Variants in GPLD1 observed in about 807,000 individuals in gnomAD.
GPLD1 encodes the protein glycosylphosphatidylinositol specific phospholipase D1.
GPLD1 carries 84 observed loss-of-function variants against 112.6 expected under a neutral mutation model. That is an observed-to-expected ratio of 0.75 (90% CI 0.63 to 0.89). The LOEUF (loss-of-function observed/expected upper bound fraction) is 0.89, where lower values mean the gene tolerates loss of function less well. GPLD1 is among the 40% of genes least tolerant of loss of function. The pLI, the probability that GPLD1 is intolerant of heterozygous loss-of-function variation, is 0.00. For synonymous variants in GPLD1, 386 were observed against 403.8 expected (o/e 0.96, Z 0.53); for missense variants, 1,044 against 1,051.5 (o/e 0.99, Z 0.10).
intron 6 of GPLD1, 71 bp downstream of exon 6, chr6:24,473,548 A>G: frequency 1.1e-6 from 1 of 913,822 alleles, no homozygotes; most frequent in South Asian, 1.4e-5. Context: ...CACATATTTA[A>G]AGCACAGTAG....
At chr6:24,456,926 A>T (rs1321267723) in intron 12 of GPLD1, among the ~76,000 whole-genome samples, 1 of 152,190 alleles carries the variant, frequency 6.6e-6, no homozygotes, top group Non-Finnish European at 1.5e-5. Flanking sequence ...GCTGGAGTGC[A>T]GTGGCACGAT....
At chr6:24,493,100 A>G (rs1294070259), upstream of GPLD1, among the ~76,000 whole-genome samples, 1 of 152,162 alleles carries the variant, frequency 6.6e-6, no homozygotes, top group African/African-American at 2.4e-5. Flanking sequence ...TAAAAAGGTA[A>G]GTGGGCTAGG....
At chr6:24,468,418 A>C (rs1763688696) in intron 7 of GPLD1, among the ~76,000 whole-genome samples, 1 of 152,220 alleles carries the variant, frequency 6.6e-6, no homozygotes. Context: ...TATTACTGTA[A>C]ACTGCATTTT....
In GPLD1 at chr6:24,433,395, GA is replaced by G. The variant is rs765694788; in HGVS notation, c.2359-7del. On this transcript the variant is annotated splice_polypyrimidine_tract_variant and splice_region_variant and intron_variant, in intron 22 of 24. Coordinates refer to ENST00000230036, the MANE Select transcript of GPLD1 (RefSeq NM_001503.4). ...GAAATCAATACATATTGGGCCTGAAGAAAAAAATTGAGGAGAGAGACAATGT... is the reference window on the plus strand; with the variant it reads ...GAAATCAATACATATTGGGCCTGAAGAAAAAATTGAGGAGAGAGACAATGT... 4 of 1,587,268 alleles carry G rather than the reference GA, an allele frequency of 2.5e-6. No homozygotes were observed. The South Asian group carries it at 3.3e-5, about 13-fold the overall frequency.
chr6:24,485,091 C>G (rs1463152427), intron 2 of GPLD1, among the ~76,000 whole-genome samples: 1 of 152,192 alleles, frequency 6.6e-6, no homozygotes, highest in East Asian at 1.9e-4. Flanking sequence ...TGGAATATAG[C>G]AGGAGTTGGA....
At chr6:24,435,933 A>C (rs918935599) in intron 22 of GPLD1, 1 of 151,508 alleles carries the variant, frequency 6.6e-6, no homozygotes, top group Non-Finnish European at 1.5e-5. Context: ...GAAATGAAAC[A>C]AAAAGCAAAA....
downstream of GPLD1, chr6:24,425,545 T>C (rs549554958): frequency 6.6e-6 from 1 of 152,390 alleles, no homozygotes; most frequent in African/African-American, 2.4e-5. Context: ...ATGCTTCTTA[T>C]ACTAAAGTTC....
intron 24 of GPLD1, among the ~76,000 whole-genome samples, chr6:24,430,878 A>G (rs1762380617): frequency 6.6e-6 from 1 of 152,226 alleles, no homozygotes; most frequent in Non-Finnish European, 1.5e-5. Context: ...AACAATAATT[A>G]GGAAGGTACA....
At position 24,433,484 on chromosome 6, in the gene GPLD1, C is replaced by CTTTTTT; in HGVS notation, c.2359-101_2359-96dup. On this transcript the variant is annotated intron_variant, in intron 22 of 24. Transcript: ENST00000230036. ...TTATACCCTTATACCCTCATTTCTA[C>CTTTTTT]TTTTTTTTTTTTTTTTTTTTTTTTT... 6.9e-6 allele frequency: 3 copies of CTTTTTT among 433,446 alleles called. No individual in the cohort carries two copies. In the East Asian group the frequency reaches 1.7e-4, roughly 25 times the overall value. 26.9% of individuals were successfully genotyped at this position (433,446 alleles called of 1,614,324 possible). A position where few individuals can be genotyped will look rare whatever the true frequency, so the allele number is the denominator to read the frequency against.
chr6:24,449,957 C>T, intron 14 of GPLD1, 58 bp from the exon 15 acceptor site: 4 of 1,242,062 alleles, frequency 3.2e-6, no homozygotes, highest in Non-Finnish European at 4.7e-6. Context: ...AAAGAGCACT[C>T]CTGACCCCCA....
chr6:24,439,159 GCT>G (rs375774966), intron 20 of GPLD1, among the ~76,000 whole-genome samples: 10 of 152,186 alleles, frequency 6.6e-5, no homozygotes, highest in African/African-American at 2.4e-4. Flanking sequence ...AACACTTCCA[GCT>G]CTCTGTCTAC....
In GPLD1 at chr6:24,445,608, C is replaced by A. The variant is rs775582998; in HGVS notation, c.1958G>T (p.Ser653Ile). The change falls in exon 20 of 25, where the codon AGT becomes ATT. Residue 653 changes from serine (S) to isoleucine (I), a missense_variant. Physicochemically the swap from Ser to Ile is moderately radical, Grantham distance 142. Coordinates refer to ENST00000230036, the MANE Select transcript of GPLD1 (RefSeq NM_001503.4). ...AMGKLGTSLS[S>I]GHVLMNGTLK... is the part of the protein sequence containing the mutation. ...AGTCCCATTCATCAGTACGTGGCCA[C>A]TGGAAAGGGAAGTACCCAGTTTCCC... is the stretch of plus-strand genomic sequence containing the variant. The A allele has an allele frequency of 6.2e-7, 1 of 1,613,976 alleles. No individual in the cohort carries two copies. The highest frequency in any genetic ancestry group is 1.1e-5 in the South Asian group (1 of 91,080).
At chr6:24,453,199 G>A (rs6918871) in intron 14 of GPLD1, among the ~76,000 whole-genome samples, 5,219 of 152,242 alleles carry the variant, frequency 0.034, 95 homozygotes, top group Middle Eastern at 0.085. Flanking sequence ...AAAGCCTGGC[G>A]TTTAGTTAAT....
In GPLD1 at chr6:24,428,125, C is replaced by CT. The variant is rs1762294997; in HGVS notation, c.*906dup. 1 of 148,818 alleles carries CT rather than the reference C, an allele frequency of 6.7e-6. No homozygotes were observed. Among genetic ancestry groups the CT allele is most frequent in the Non-Finnish European group, 1.5e-5 (1 of 67,572 alleles). The allele number at this position is 148,818 out of a possible 1,614,324, so 9.2% of individuals were successfully genotyped here. A position where few individuals can be genotyped will look rare whatever the true frequency, so the allele number is the denominator to read the frequency against. ...TGTGAGGTTATCCCTCACCCCCATG[C>CT]TTTACTCTGTACTATTTTTCCTCCC... On this transcript the variant is annotated 3_prime_UTR_variant, in exon 25 of 25. Transcript: ENST00000230036.
chr6:24,435,074 T>C (rs1433633501), intron 22 of GPLD1, among the ~76,000 whole-genome samples: 1 of 150,150 alleles, frequency 6.7e-6, no homozygotes, highest in African/African-American at 2.5e-5. Context: ...TGCAGTGGCA[T>C]GATCTCGACT....
At chr6:24,493,712 T>G (rs899236743), upstream of GPLD1, among the ~76,000 whole-genome samples, 1 of 152,230 alleles carries the variant, frequency 6.6e-6, no homozygotes, top group African/African-American at 2.4e-5. Context: ...TTCTGCCATA[T>G]GTGACTGGCT....
Position 24,436,579 on chromosome 6 carries a change from T to TA in GPLD1, c.2354_2355insT (p.Glu785AspfsTer11). 1 of 1,613,310 alleles carries TA rather than the reference T, an allele frequency of 6.2e-7. No individual in the cohort carries two copies. Among genetic ancestry groups the TA allele is most frequent in the African/African-American group, 1.3e-5 (1 of 75,022 alleles). On this transcript the variant is annotated frameshift_variant, in exon 22 of 25. Transcript: ENST00000230036. LOFTEE classifies it high-confidence loss of function. Reference sequence around the variant, plus strand: ...TAGAATTTTGTAGAACACTTACCTTTTCTTCTGGACATGGAGTTATCCATG... The same window carrying TA: ...TAGAATTTTGTAGAACACTTACCTTTATCTTCTGGACATGGAGTTATCCATG...
chr6:24,446,858 C>G lies in GPLD1; in HGVS notation c.1800G>C (p.Pro600=). 4 of 1,613,678 alleles carry G rather than the reference C, an allele frequency of 2.5e-6. No individual in the cohort carries two copies. The highest frequency in any genetic ancestry group is 3.4e-6 in the Non-Finnish European group (4 of 1,179,800). Reference sequence around the variant, plus strand: ...CTCACCTGCTGGCATTCTTCCAGGTCGGGCTCCCAACCAACAGCAAGGTTC... The same window carrying G: ...CTCACCTGCTGGCATTCTTCCAGGTGGGGCTCCCAACCAACAGCAAGGTTC... ...DNRTLLLVGS[P]TWKNASRLGH... is the part of the protein sequence containing the mutation. The change falls in exon 18 of 25, where the codon CCG becomes CCC. Residue 600 remains proline (P), a synonymous_variant. Transcript: ENST00000230036.
intron 7 of GPLD1, among the ~76,000 whole-genome samples, chr6:24,472,016 T>C (rs998187738): frequency 6.6e-6 from 1 of 152,172 alleles, no homozygotes; most frequent in African/African-American, 2.4e-5. Flanking sequence ...TACCACAAAC[T>C]GTGAAAGACA....
Sources: gnomAD v4.1 joint callset for allele counts (sites outside exome capture counted in the v4.1 genomes callset) on GRCh38, gnomAD v4.1.1 for gene constraint, MANE v1.5 for transcripts, NCBI Gene and HGNC (gene_info 2026-07-23, HGNC 2026-07-21) for gene names.